Variants in C11orf65 observed in about 807,000 individuals in gnomAD.
C11orf65 encodes the protein protein MFI.
C11orf65 carries 38 observed loss-of-function variants against 35.3 expected under a neutral mutation model. The ratio of observed to expected loss-of-function variants is 1.08; its 90% CI spans 0.83 to 1.41. C11orf65 has a LOEUF of 1.41. Among genes scored for constraint, C11orf65 ranks in the 40% most tolerant of loss-of-function variants. The pLI is 0.00. For missense variants in C11orf65, 370 were observed against 367.1 expected, an observed-to-expected ratio of 1.01 and a Z score of -0.06; for synonymous variants, 105 against 114.4, an observed-to-expected ratio of 0.92 and a Z score of 0.53.
At chr11:108,437,647 T>C (rs1455845252) in intron 2 of C11orf65, among the ~76,000 whole-genome samples, 2 of 127,624 alleles carry the variant, frequency 1.6e-5, no homozygotes, top group South Asian at 2.6e-4. Context: ...GAGGCAGAGG[T>C]TGCAGTGAGC....
At position 108,312,600 on chromosome 11, in the gene C11orf65, T is replaced by G. The variant is rs567806308; in HGVS notation, c.641-3529A>C. 90 of 854,430 alleles carry G rather than the reference T, an allele frequency of 1.1e-4. No homozygotes were observed. In the African/African-American group the frequency reaches 1.5e-3, roughly 14 times the overall value. The allele number at this position is 854,430 out of a possible 1,614,324, so 52.9% of individuals were successfully genotyped here. On this transcript the variant is annotated intron_variant, in intron 6 of 6. Transcript: ENST00000525729. ...GATGCCATGTGATTTTTAAACTGAA[T>G]TTACTTACTGGACTAAGCATCATAT...
chr11:108,336,141 T>TAAA (rs374306537), intron 2 of C11orf65: 1 of 440,540 alleles, frequency 2.3e-6, no homozygotes, highest in East Asian at 4.1e-5. Context: ...GACAAAAAGT[T>TAAA]AAAAAAAAAA....
At chr11:108,443,785 C>T (rs2093202232) in intron 2 of C11orf65, among the ~76,000 whole-genome samples, 2 of 152,068 alleles carry the variant, frequency 1.3e-5, no homozygotes, top group South Asian at 4.1e-4. Flanking sequence ...AACAAAGACA[C>T]AACATACCAG....
downstream of C11orf65, among the ~76,000 whole-genome samples, chr11:108,380,729 A>C (rs1227029051): frequency 6.6e-6 from 1 of 152,222 alleles, no homozygotes; most frequent in East Asian, 1.9e-4. Flanking sequence ...ATCATTTGAA[A>C]AGACCAATCA....
chr11:108,444,821 C>A (rs573121478), intron 2 of C11orf65, among the ~76,000 whole-genome samples: 1 of 152,158 alleles, frequency 6.6e-6, no homozygotes, highest in Admixed American at 6.5e-5. Context: ...CTCACTCCGG[C>A]AGCGCAAGGG....
intron 3 of C11orf65, among the ~76,000 whole-genome samples, chr11:108,410,504 C>T (rs928950609): frequency 6.6e-6 from 1 of 152,078 alleles, no homozygotes; most frequent in African/African-American, 2.4e-5. Context: ...AAGGCACGCA[C>T]CATCGTGACA....
intron 2 of C11orf65, among the ~76,000 whole-genome samples, chr11:108,440,339 T>C (rs556120683): frequency 1.3e-5 from 2 of 152,206 alleles, no homozygotes; most frequent in East Asian, 3.9e-4. Flanking sequence ...CGAATTCTGG[T>C]AGGGAATAGT....
chr11:108,359,784 C>G (rs1831304155), intron 2 of C11orf65, among the ~76,000 whole-genome samples: 2 of 152,108 alleles, frequency 1.3e-5, no homozygotes, highest in Non-Finnish European at 1.5e-5. Context: ...ATCTCTGGGA[C>G]ACATTCAAAG....
At chr11:108,453,138 A>G (rs2093371759) in intron 2 of C11orf65, among the ~76,000 whole-genome samples, 1 of 151,450 alleles carries the variant, frequency 6.6e-6, no homozygotes, top group Admixed American at 6.6e-5. Context: ...CTAGAACTTA[A>G]AGTATAATTA....
intron 6 of C11orf65, among the ~76,000 whole-genome samples, chr11:108,314,355 C>T (rs1262065208): frequency 1.3e-5 from 2 of 152,132 alleles, no homozygotes; most frequent in East Asian, 3.8e-4. Context: ...GTCTGCCTGC[C>T]TTGGCTACCC....
In C11orf65 at chr11:108,325,528, C is replaced by G; in HGVS notation, c.641-16457G>C. ...GTAGAACTCTCTATACTGGCCAGAA[C>G]TTTCAAGAACACTCAGGTAAATACA... On this transcript the variant is annotated intron_variant, in intron 6 of 6. Transcript: ENST00000525729. 6.2e-7 allele frequency: 1 copy of G among 1,604,918 alleles called. No individual in the cohort carries two copies. The highest frequency in any genetic ancestry group is 8.5e-7 in the Non-Finnish European group (1 of 1,173,338).
chr11:108,433,374 C>T (rs969460974), intron 2 of C11orf65, among the ~76,000 whole-genome samples: 7 of 151,404 alleles, frequency 4.6e-5, no homozygotes, highest in Admixed American at 2.6e-4. Flanking sequence ...GTCAGGAGAT[C>T]GAGACCACCC....
chr11:108,359,035 T>C (rs1318316267), intron 2 of C11orf65, among the ~76,000 whole-genome samples: 1 of 150,230 alleles, frequency 6.7e-6, no homozygotes, highest in Non-Finnish European at 1.5e-5. Flanking sequence ...ATCAGTGTGC[T>C]GTATTCAGGA....
At chr11:108,448,707 C>T (rs2093303541) in intron 2 of C11orf65, among the ~76,000 whole-genome samples, 2 of 152,144 alleles carry the variant, frequency 1.3e-5, no homozygotes, top group Non-Finnish European at 2.9e-5. Context: ...TGGAAGCATT[C>T]CCTTTGAAAA....
intron 3 of C11orf65, among the ~76,000 whole-genome samples, chr11:108,408,644 C>A (rs1324132407): frequency 8.5e-6 from 1 of 117,730 alleles, no homozygotes; most frequent in Non-Finnish European, 1.9e-5. Context: ...CCACTGCACT[C>A]CAGCCTGGGC....
At chr11:108,339,003 T>C (rs2087169355) in intron 2 of C11orf65, among the ~76,000 whole-genome samples, 1 of 152,198 alleles carries the variant, frequency 6.6e-6, no homozygotes, top group Non-Finnish European at 1.5e-5. Context: ...AACTAGATCT[T>C]GGTATACAAA....
At chr11:108,334,805 C>T (rs368704055) in intron 3 of C11orf65, among the ~76,000 whole-genome samples, 5 of 152,128 alleles carry the variant, frequency 3.3e-5, no homozygotes, top group African/African-American at 4.8e-5. Context: ...GTTAAAGTTA[C>T]GAGCGTGAGC....
intron 2 of C11orf65, among the ~76,000 whole-genome samples, chr11:108,376,547 C>A (rs1431049951): frequency 3.3e-5 from 5 of 151,312 alleles, no homozygotes; most frequent in African/African-American, 4.8e-5. Flanking sequence ...AAAATTGACA[C>A]CCTAACATCA....
intron 6 of C11orf65, chr11:108,310,203 T>G (rs2136013876): frequency 6.2e-7 from 1 of 1,613,678 alleles, no homozygotes; most frequent in Non-Finnish European, 8.5e-7. Flanking sequence ...CTGGCTGGAT[T>G]TAAATTATCT....
Sources: allele counts gnomAD v4.1 joint callset (sites outside exome capture counted in the v4.1 genomes callset), GRCh38; gene constraint gnomAD v4.1.1; transcripts MANE v1.5; gene names NCBI Gene and HGNC (gene_info 2026-07-23, HGNC 2026-07-21).